Variants in AGPAT5 observed in about 807,000 individuals in gnomAD.
The protein encoded by AGPAT5 is 1-acylglycerol-3-phosphate O-acyltransferase 5, also known as 1-acyl-sn-glycerol-3-phosphate acyltransferase epsilon.
AGPAT5 carries 46 observed loss-of-function variants against 45.6 expected under a neutral mutation model. That is an observed-to-expected ratio of 1.01 (90% CI 0.80 to 1.29). The LOEUF (loss-of-function observed/expected upper bound fraction) is 1.29. Among genes scored for constraint, AGPAT5 ranks in the 50% most tolerant of loss-of-function variants. The pLI, the probability that AGPAT5 is intolerant of heterozygous loss-of-function variation, is 0.00. For synonymous variants in AGPAT5, 272 were observed against 167.0 expected (o/e 1.63, Z -4.85); for missense variants, 673 against 450.7 (o/e 1.49, Z -4.47).
intron 6 of AGPAT5, among the ~76,000 whole-genome samples, chr8:6,749,963 G>T (rs958646378): frequency 2.0e-5 from 3 of 152,130 alleles, no homozygotes; most frequent in African/African-American, 7.2e-5. Context: ...GTGCTGTGCC[G>T]TGAAGCCTCG....
At chr8:6,736,675 G>C (rs564954392) in intron 4 of AGPAT5, among the ~76,000 whole-genome samples, 2 of 152,184 alleles carry the variant, frequency 1.3e-5, no homozygotes, top group African/African-American at 4.8e-5. Flanking sequence ...GTTTTAGCTG[G>C]GCCCCTTAAG....
intron 5 of AGPAT5, among the ~76,000 whole-genome samples, chr8:6,745,484 G>C (rs1801410965): frequency 1.3e-5 from 2 of 152,126 alleles, no homozygotes; most frequent in Admixed American, 6.5e-5. Context: ...ATTTGTGTCA[G>C]TTGTCATATT....
rs79537874 is a variant in AGPAT5, at chr8:6,729,431, T to C, written c.290-1280T>C. 3.6e-3 allele frequency among the ~76,000 whole-genome samples: 541 copies of C among 151,938 alleles called. 3 individuals are homozygous for C. Among genetic ancestry groups the C allele is most frequent in the African/African-American group, 0.013 (518 of 41,436 alleles). ...CCTGAGAACATGGGTGATGATAGAA[T>C]TATTCTTTTCACAGATTAACAGTTT... On this transcript the variant is annotated intron_variant, in intron 2 of 7. Transcript: ENST00000285518.
intron 1 of AGPAT5, 72 bp downstream of exon 1, chr8:6,708,959 C>G (rs774992583): frequency 1.2e-5 from 18 of 1,451,262 alleles, no homozygotes; most frequent in Non-Finnish European, 1.5e-5. Context: ...TCCGCTCCCC[C>G]ACAGCTGGCG....
rs1313497115 is a variant in AGPAT5 at position 6,760,846 on chromosome 8, AT to A, written c.*3461del. ...TCAAAATTAGTACTTTGGTCAAAATATTTACAACATTCACATACTTGTCAAA... is the reference window on the plus strand; with the variant it reads ...TCAAAATTAGTACTTTGGTCAAAATATTACAACATTCACATACTTGTCAAA... On this transcript the variant is annotated 3_prime_UTR_variant, in exon 8 of 8. Coordinates refer to ENST00000285518, the MANE Select transcript of AGPAT5 (RefSeq NM_018361.5). 1.3e-5 allele frequency among the ~76,000 whole-genome samples: 2 copies of A among 152,232 alleles called. No homozygotes were observed. The highest frequency in any genetic ancestry group is 2.9e-5 in the Non-Finnish European group (2 of 68,028).
intron 4 of AGPAT5, among the ~76,000 whole-genome samples, chr8:6,733,899 T>TA: frequency 6.6e-6 from 1 of 152,280 alleles, no homozygotes; most frequent in South Asian, 2.1e-4. Context: ...CTATGCACAG[T>TA]GGCCCCTTGC....
At chr8:6,711,826 G>T (rs112323718) in intron 1 of AGPAT5, among the ~76,000 whole-genome samples, 4,718 of 152,232 alleles carry the variant, frequency 0.031, 127 homozygotes, top group African/African-American at 0.068. Flanking sequence ...TACAGTCCTT[G>T]CTGCCACCTC....
intron 1 of AGPAT5, 101 bp downstream of exon 1, chr8:6,708,988 C>G (rs1294400049): frequency 3.4e-6 from 4 of 1,184,628 alleles, no homozygotes; most frequent in East Asian, 5.1e-5. Context: ...CCGGCCGGCC[C>G]GGCGGACCCA....
At position 6,747,666 on chromosome 8, in the gene AGPAT5, C is replaced by T. The variant is rs1398904653; in HGVS notation, c.587-4C>T. On this transcript the variant is annotated splice_polypyrimidine_tract_variant and splice_region_variant and intron_variant, in intron 5 of 7. Transcript: ENST00000285518. Reference sequence around the variant, plus strand: ...ATTAATGACGGCACTGAATTGACTTCTAGGCCTTGCAGTATTAAAACATGT... The same window carrying T: ...ATTAATGACGGCACTGAATTGACTTTTAGGCCTTGCAGTATTAAAACATGT... 2.5e-6 allele frequency: 4 copies of T among 1,610,594 alleles called. No homozygotes were observed. The highest frequency in any genetic ancestry group is 3.4e-6 in the Non-Finnish European group (4 of 1,177,474).
intron 2 of AGPAT5, among the ~76,000 whole-genome samples, chr8:6,725,181 G>C (rs1418523815): frequency 6.6e-6 from 1 of 152,102 alleles, no homozygotes; most frequent in Non-Finnish European, 1.5e-5. Context: ...CTTCTTACTT[G>C]CTTGCTTTGT....
rs1035783872 is a variant in AGPAT5, at chr8:6,761,157, TAGAA to T, written c.*3772_*3775del. Reference sequence around the variant, plus strand: ...TTATTTTTAGGAAAACCACTTCAAATAGAAAGCTGAAGTACTTCTAATATACTGA... The same window carrying T: ...TTATTTTTAGGAAAACCACTTCAAATAGCTGAAGTACTTCTAATATACTGA... On this transcript the variant is annotated 3_prime_UTR_variant, in exon 8 of 8. Transcript: ENST00000285518. Among the ~76,000 whole-genome samples, 1 of 152,192 alleles carries T rather than the reference TAGAA, an allele frequency of 6.6e-6. No individual in the cohort carries two copies. Among genetic ancestry groups the T allele is most frequent in the Non-Finnish European group, 1.5e-5 (1 of 68,018 alleles).
At chr8:6,717,955 G>C (rs1800384961) in intron 1 of AGPAT5, among the ~76,000 whole-genome samples, 1 of 152,138 alleles carries the variant, frequency 6.6e-6, no homozygotes, top group African/African-American at 2.4e-5. Flanking sequence ...GAGAAACCTA[G>C]GTGTAATTCC....
chr8:6,715,748 G>C (rs779850877), intron 1 of AGPAT5, among the ~76,000 whole-genome samples: 3 of 152,202 alleles, frequency 2.0e-5, no homozygotes, highest in Non-Finnish European at 4.4e-5. Flanking sequence ...ACTGAAATTA[G>C]AGACGTGTTT....
intron 1 of AGPAT5, among the ~76,000 whole-genome samples, chr8:6,719,310 A>G (rs1175714847): frequency 6.6e-6 from 1 of 152,198 alleles, no homozygotes; most frequent in Non-Finnish European, 1.5e-5. Context: ...CAGTATGGCA[A>G]AGAAAAGGCA....
At chr8:6,739,844 A>G (rs941141351) in intron 4 of AGPAT5, among the ~76,000 whole-genome samples, 8 of 152,114 alleles carry the variant, frequency 5.3e-5, no homozygotes, top group African/African-American at 1.9e-4. Flanking sequence ...CTTTAGGGAA[A>G]AGCACTCATT....
chr8:6,733,137 A>G (rs1230709978), intron 4 of AGPAT5, among the ~76,000 whole-genome samples: 1 of 152,258 alleles, frequency 6.6e-6, no homozygotes, highest in African/African-American at 2.4e-5. Flanking sequence ...ACTTTATTCC[A>G]CAAAAGTGGG....
At chr8:6,724,256 C>T (rs1195167497) in intron 1 of AGPAT5, among the ~76,000 whole-genome samples, 1 of 152,194 alleles carries the variant, frequency 6.6e-6, no homozygotes, top group Non-Finnish European at 1.5e-5. Context: ...GGTCTCCTTG[C>T]TCCTCAGCCG....
At chr8:6,750,146 T>C (rs901816533) in intron 6 of AGPAT5, among the ~76,000 whole-genome samples, 1 of 152,270 alleles carries the variant, frequency 6.6e-6, no homozygotes, top group Admixed American at 6.5e-5. Context: ...AGCATAGCAC[T>C]GTGCCTTCTC....
intron 2 of AGPAT5, 91 bp downstream of exon 2, chr8:6,725,030 T>G (rs1179117623): frequency 7.1e-6 from 3 of 423,256 alleles, no homozygotes; most frequent in Non-Finnish European, 1.2e-5. Flanking sequence ...TGAAGTGGGT[T>G]TTTTAAAACA....
Sources: gnomAD v4.1 joint callset for allele counts (sites outside exome capture counted in the v4.1 genomes callset) on GRCh38, gnomAD v4.1.1 for gene constraint, MANE v1.5 for transcripts, NCBI Gene and HGNC (gene_info 2026-07-23, HGNC 2026-07-21) for gene names.